The following RBFOX1 variants were observed in gnomAD, a reference collection of about 807,000 sequenced individuals.
RBFOX1 encodes the protein RNA binding protein fox-1 homolog 1.
Under a neutral mutation model 57.7 loss-of-function variants are expected in RBFOX1, and 8 were observed. The observed-to-expected ratio is 0.14, with a 90% CI of 0.08 to 0.25. The LOEUF is 0.25. Ranked by LOEUF, RBFOX1 falls within the 10% of genes least tolerant of loss-of-function variation. The probability of loss-of-function intolerance (pLI) is 1.00; values close to 1 mark genes in which losing one functional copy is unlikely to be tolerated. For missense variants in RBFOX1, 611 were observed against 548.5 expected, an observed-to-expected ratio of 1.11 and a Z score of -1.14; for synonymous variants, 326 against 222.4, an observed-to-expected ratio of 1.47 and a Z score of -4.15.
At chr16:7,179,409 T>G (rs1381187214) in intron 4 of RBFOX1, among the ~76,000 whole-genome samples, 1 of 152,160 alleles carries the variant, frequency 6.6e-6, no homozygotes, top group African/African-American at 2.4e-5. Context: ...CTTCCATCTC[T>G]CTCAATGATG....
intron 3 of RBFOX1, among the ~76,000 whole-genome samples, chr16:5,823,477 C>T (rs1432028656): frequency 5.9e-5 from 9 of 152,104 alleles, no homozygotes; most frequent in Non-Finnish European, 8.8e-5. Flanking sequence ...CAGGCACTGC[C>T]CTCTATGGCT....
intron 1 of RBFOX1, among the ~76,000 whole-genome samples, chr16:5,347,390 A>AATGGAGCTATTAGCCT (rs1158061925): frequency 6.6e-6 from 1 of 152,148 alleles, no homozygotes; most frequent in East Asian, 1.9e-4. Flanking sequence ...TCTTCTGTGA[A>AATGGAGCTATTAGCCT]ATGGAGCTAT....
chr16:6,454,611 A>T (rs990268768), intron 2 of RBFOX1, among the ~76,000 whole-genome samples: 1 of 152,104 alleles, frequency 6.6e-6, no homozygotes, highest in African/African-American at 2.4e-5. Flanking sequence ...AAACAAATAA[A>T]TGTCCGTGTT....
At chr16:6,772,691 A>T (rs934117678) in intron 3 of RBFOX1, among the ~76,000 whole-genome samples, 1 of 118,694 alleles carries the variant, frequency 8.4e-6, no homozygotes, top group Admixed American at 8.7e-5. Context: ...GTGTGTGTAT[A>T]TGTGGGTGTG....
At chr16:5,902,711 C>G (rs572784564) in intron 4 of RBFOX1, among the ~76,000 whole-genome samples, 1 of 152,136 alleles carries the variant, frequency 6.6e-6, no homozygotes, top group Non-Finnish European at 1.5e-5. Flanking sequence ...CCACCGTGCC[C>G]GGCCTTATTT....
At chr16:5,455,662 C>T (rs1422158428) in intron 1 of RBFOX1, among the ~76,000 whole-genome samples, 2 of 152,146 alleles carry the variant, frequency 1.3e-5, no homozygotes, top group Non-Finnish European at 2.9e-5. Flanking sequence ...CCTTTTTACT[C>T]TCCATGCATA....
At chr16:7,280,087 G>T (rs113217178) in intron 4 of RBFOX1, among the ~76,000 whole-genome samples, 7 of 152,350 alleles carry the variant, frequency 4.6e-5, no homozygotes, top group African/African-American at 1.7e-4. Context: ...GCCTGCTATG[G>T]AAAGAGAGCC....
intron 2 of RBFOX1, among the ~76,000 whole-genome samples, chr16:6,618,678 A>C (rs1732327481): frequency 6.6e-6 from 1 of 152,182 alleles, no homozygotes; most frequent in South Asian, 2.1e-4. Flanking sequence ...ACATCACTTT[A>C]ATGTGATGTG....
chr16:5,881,973 TG>T (rs1466665492), intron 4 of RBFOX1, among the ~76,000 whole-genome samples: 1 of 152,210 alleles, frequency 6.6e-6, no homozygotes, highest in African/African-American at 2.4e-5. Flanking sequence ...AGCACTCCCT[TG>T]GTGCCAGGTT....
chr16:7,105,694 C>A (rs1199415709), intron 4 of RBFOX1, among the ~76,000 whole-genome samples: 7 of 151,904 alleles, frequency 4.6e-5, no homozygotes, highest in East Asian at 1.9e-4. Context: ...GTCTATCTCT[C>A]TATATATATC....
chr16:5,669,667 C>T (rs779047896), intron 3 of RBFOX1, among the ~76,000 whole-genome samples: 1 of 152,218 alleles, frequency 6.6e-6, no homozygotes, highest in Non-Finnish European at 1.5e-5. Flanking sequence ...ATCTGCCTGC[C>T]TTGGCCACCC....
chr16:7,288,809 C>T (rs1213738672), intron 4 of RBFOX1, among the ~76,000 whole-genome samples: 1 of 152,208 alleles, frequency 6.6e-6, no homozygotes, highest in African/African-American at 2.4e-5. Context: ...CCACTGCACT[C>T]CAGCCTGCGC....
At chr16:7,412,231 A>G (rs1597785635) in intron 4 of RBFOX1, among the ~76,000 whole-genome samples, 1 of 151,884 alleles carries the variant, frequency 6.6e-6, no homozygotes, top group East Asian at 2.0e-4. Flanking sequence ...CCTGGCCAAC[A>G]TGGTGAAACC....
chr16:6,797,952 ATGATGGTGATCACGG>A lies in RBFOX1; in HGVS notation c.-16+143313_-16+143327del, dbSNP rs1183767285. 8.5e-5 allele frequency among the ~76,000 whole-genome samples: 13 copies of A among 152,204 alleles called. No individual in the cohort carries two copies. The East Asian group carries it at 1.9e-3, about 23-fold the overall frequency. On this transcript the variant is annotated intron_variant, in intron 3 of 15. Transcript: ENST00000550418. ...TCTTGTCTTTGAAATGGAGATGATG[ATGATGGTGATCACGG>A]TGATGGTGATAGCGGTGATGGTGAT...
chr16:6,560,002 C>T (rs1343912827), intron 2 of RBFOX1, among the ~76,000 whole-genome samples: 1 of 152,058 alleles, frequency 6.6e-6, no homozygotes, highest in South Asian at 2.1e-4. Context: ...TTCTTCAAGC[C>T]CATTGAGTTC....
At chr16:7,313,147 A>T (rs1235729382) in intron 4 of RBFOX1, among the ~76,000 whole-genome samples, 1 of 152,206 alleles carries the variant, frequency 6.6e-6, no homozygotes, top group Non-Finnish European at 1.5e-5. Context: ...GAAACACAAA[A>T]GCGCCTCCTG....
At chr16:6,925,316 G>A (rs1280776758) in intron 3 of RBFOX1, among the ~76,000 whole-genome samples, 3 of 150,650 alleles carry the variant, frequency 2.0e-5, no homozygotes, top group Non-Finnish European at 4.4e-5. Context: ...GTAGAGATAG[G>A]GTTTCGTCCT....
intron 13 of RBFOX1, among the ~76,000 whole-genome samples, chr16:7,670,183 C>CA (rs1262479820): frequency 2.0e-5 from 3 of 152,132 alleles, no homozygotes; most frequent in Admixed American, 2.0e-4. Context: ...ATGCATGCAC[C>CA]ACGACGCCTG....
intron 4 of RBFOX1, among the ~76,000 whole-genome samples, chr16:5,953,615 G>C (rs1368813760): frequency 2.0e-5 from 3 of 151,812 alleles, no homozygotes; most frequent in Admixed American, 6.6e-5. Context: ...TCCTGAGTTA[G>C]TTCACTTAGA....
Sources: gnomAD v4.1 joint callset for allele counts (sites outside exome capture counted in the v4.1 genomes callset) on GRCh38, gnomAD v4.1.1 for gene constraint, MANE v1.5 for transcripts, NCBI Gene and HGNC (gene_info 2026-07-23, HGNC 2026-07-21) for gene names.